The following TNR variants were observed in gnomAD, a reference collection of about 807,000 sequenced individuals.
TNR encodes the protein tenascin-R.
In TNR, 45 loss-of-function variants were observed where a neutral mutation model predicts 150.4. The ratio of observed to expected loss-of-function variants is 0.30; its 90% CI spans 0.24 to 0.38. TNR has a LOEUF of 0.38. TNR is among the 10% of genes least tolerant of loss of function. The probability of loss-of-function intolerance (pLI) is 1.00; values close to 1 mark genes in which losing one functional copy is unlikely to be tolerated. For missense variants in TNR, 1,544 were observed against 1,759.1 expected (o/e 0.88, Z 2.19); for synonymous variants, 687 against 678.4 (o/e 1.01, Z -0.20).
At chr1:175,367,630 C>A (rs114844385) in intron 9 of TNR, among the ~76,000 whole-genome samples, 1 of 152,022 alleles carries the variant, frequency 6.6e-6, no homozygotes, top group East Asian at 1.9e-4. Flanking sequence ...CTTGAACCAG[C>A]GAGAGGATTT....
intron 21 of TNR, among the ~76,000 whole-genome samples, chr1:175,326,222 A>T (rs1217568646): frequency 6.6e-6 from 1 of 152,138 alleles, no homozygotes; most frequent in African/African-American, 2.4e-5. Flanking sequence ...ACTGTAATTA[A>T]ATTATAACAG....
intron 1 of TNR, among the ~76,000 whole-genome samples, chr1:175,630,543 C>T (rs991325781): frequency 3.3e-5 from 5 of 152,296 alleles, no homozygotes; most frequent in Middle Eastern, 3.4e-3. Context: ...TGACTCCACT[C>T]GTTCTCTCTC....
In TNR at chr1:175,359,139, CTTT is replaced by C. The variant is rs758610631; in HGVS notation, c.2974+470_2974+472del. On this transcript the variant is annotated intron_variant, in intron 15 of 22. Coordinates refer to ENST00000367674, the MANE Select transcript of TNR (RefSeq NM_003285.3). ...AGTTTGCAGAGTTTGGGGATATCTT[CTTT>C]TTTTTTTTTTTTTTTTTTTTTTAGA... Among the ~76,000 whole-genome samples the C allele has an allele frequency of 1.2e-3, 52 of 42,146 alleles. No individual in the cohort carries two copies. The East Asian group carries it at 0.02, about 16-fold the overall frequency. The allele number at this position is 42,146 out of a possible 152,430, so 27.6% of individuals were successfully genotyped here. A position where few individuals can be genotyped will look rare whatever the true frequency, so the allele number is the denominator to read the frequency against.
intron 8 of TNR, among the ~76,000 whole-genome samples, chr1:175,381,322 G>A (rs1297841003): frequency 6.6e-6 from 1 of 152,208 alleles, no homozygotes; most frequent in Non-Finnish European, 1.5e-5. Flanking sequence ...TTAAGGTTGA[G>A]ACTTCTACCT....
At chr1:175,408,207 G>A (rs1296619090) in intron 2 of TNR, among the ~76,000 whole-genome samples, 1 of 152,146 alleles carries the variant, frequency 6.6e-6, no homozygotes, top group African/African-American at 2.4e-5. Context: ...TCTGCAATGT[G>A]TGACCGTCGC....
intron 1 of TNR, among the ~76,000 whole-genome samples, chr1:175,541,912 C>T (rs1376910592): frequency 6.6e-6 from 1 of 152,144 alleles, no homozygotes; most frequent in Non-Finnish European, 1.5e-5. Context: ...CCACATTTGT[C>T]CTACCGAGAT....
chr1:175,645,598 T>A (rs1664788944), intron 1 of TNR, among the ~76,000 whole-genome samples: 1 of 152,242 alleles, frequency 6.6e-6, no homozygotes, highest in Non-Finnish European at 1.5e-5. Context: ...TTCATGTGGC[T>A]GATTCTTAAA....
Position 175,406,427 on chromosome 1 carries a change from C to T in TNR, c.288G>A (p.Glu96=). 6.2e-7 allele frequency: 1 copy of T among 1,614,176 alleles called. No homozygotes were observed. Among genetic ancestry groups the T allele is most frequent in the South Asian group, 1.1e-5 (1 of 91,074 alleles). ...SAEQEVSAED[E]TLAEYMGQTS... ...TCTGGCCCATGTACTCTGCCAGAGT[C>T]TCGTCTTCTGCACTCACCTCCTGCT... Residue 96 remains glutamate, a synonymous_variant, in exon 3 of 23, where the codon GAG becomes GAA. Transcript: ENST00000367674.
chr1:175,538,435 T>C (rs1021000010), intron 1 of TNR, among the ~76,000 whole-genome samples: 1 of 152,216 alleles, frequency 6.6e-6, no homozygotes, highest in Non-Finnish European at 1.5e-5. Context: ...GGAGTGTTGA[T>C]TGTGGGTTAA....
chr1:175,413,304 G>C (rs572377906), intron 2 of TNR, among the ~76,000 whole-genome samples: 16 of 152,366 alleles, frequency 1.1e-4, no homozygotes, highest in African/African-American at 3.8e-4. Flanking sequence ...GGGATTACAG[G>C]CATGAGCCAC....
rs1222203860 is a variant in TNR at position 175,683,058 on chromosome 1, T to G, written c.-165+60168A>C. On this transcript the variant is annotated intron_variant, in intron 1 of 22. Transcript: ENST00000367674. Reference sequence around the variant, plus strand: ...GGGCAAGGATTGGCACCAACTTGACTGTAGTCTGTGGGCCTGTGACAGTTC... The same window carrying G: ...GGGCAAGGATTGGCACCAACTTGACGGTAGTCTGTGGGCCTGTGACAGTTC... Among the ~76,000 whole-genome samples the G allele has an allele frequency of 3.3e-5, 5 of 152,148 alleles. No homozygotes were observed. The East Asian group carries it at 9.6e-4, about 29-fold the overall frequency.
intron 1 of TNR, among the ~76,000 whole-genome samples, chr1:175,586,555 C>T (rs75270738): frequency 0.08 from 12,209 of 152,180 alleles, 542 homozygotes; most frequent in Middle Eastern, 0.14. Context: ...ATCTGCCCAC[C>T]TCAGCCTCCC....
At chr1:175,338,539 G>T (rs1426724818) in intron 18 of TNR, among the ~76,000 whole-genome samples, 1 of 152,206 alleles carries the variant, frequency 6.6e-6, no homozygotes, top group East Asian at 1.9e-4. Context: ...TGTGGGAAAG[G>T]GTGGTTTGGG....
At chr1:175,630,796 T>G (rs1254427826) in intron 1 of TNR, among the ~76,000 whole-genome samples, 1 of 149,638 alleles carries the variant, frequency 6.7e-6, no homozygotes, top group Non-Finnish European at 1.5e-5. Flanking sequence ...TACCTGAGAA[T>G]CCAGCTGAGC....
At chr1:175,402,163 C>T (rs1226515779) in intron 4 of TNR, among the ~76,000 whole-genome samples, 2 of 151,364 alleles carry the variant, frequency 1.3e-5, no homozygotes, top group South Asian at 2.1e-4. Flanking sequence ...AAAAATTAGC[C>T]GGGCGCGGTG....
intron 1 of TNR, among the ~76,000 whole-genome samples, chr1:175,682,305 C>A (rs1333405260): frequency 6.6e-6 from 1 of 152,168 alleles, no homozygotes; most frequent in Non-Finnish European, 1.5e-5. Context: ...TGCTTACATG[C>A]ATAAGCTCCT....
chr1:175,681,878 G>C (rs1023622380), intron 1 of TNR, among the ~76,000 whole-genome samples: 18 of 152,204 alleles, frequency 1.2e-4, no homozygotes, highest in Admixed American at 7.9e-4. Flanking sequence ...CTGGCTTCAT[G>C]CTCTCAGGGT....
At chr1:175,577,622 G>A (rs1191267438) in intron 1 of TNR, among the ~76,000 whole-genome samples, 1 of 152,084 alleles carries the variant, frequency 6.6e-6, no homozygotes, top group Non-Finnish European at 1.5e-5. Context: ...AGGGAAAGGG[G>A]CTGGCAGCTA....
chr1:175,625,242 G>C (rs1328318402), intron 1 of TNR, among the ~76,000 whole-genome samples: 1 of 152,206 alleles, frequency 6.6e-6, no homozygotes, highest in East Asian at 1.9e-4. Context: ...AAAAACAACA[G>C]TGTGATTTTT....
Sources: gnomAD v4.1 joint callset for allele counts (sites outside exome capture counted in the v4.1 genomes callset) on GRCh38, gnomAD v4.1.1 for gene constraint, MANE v1.5 for transcripts, NCBI Gene and HGNC (gene_info 2026-07-23, HGNC 2026-07-21) for gene names.